MALRD1: variants seen among roughly 807,000 people sequenced by gnomAD.
MALRD1 encodes the protein MAM and LDL receptor class A domain containing 1.
Under a neutral mutation model 242.1 loss-of-function variants are expected in MALRD1, and 247 were observed. That is an observed-to-expected ratio of 1.02 (90% CI 0.92 to 1.13). The LOEUF (loss-of-function observed/expected upper bound fraction) is 1.13. Among genes scored for constraint, MALRD1 ranks in the 50% most tolerant of loss-of-function variants. The pLI is 0.00. For missense variants in MALRD1, 2,989 were observed against 2,533.1 expected (o/e 1.18, Z -3.86); for synonymous variants, 995 against 866.6 (o/e 1.15, Z -2.60).
At position 19,524,138 on chromosome 10, in the gene MALRD1, A is replaced by G. The variant is rs773507973; in HGVS notation, c.5321-7056A>G. Among the ~76,000 whole-genome samples the G allele has an allele frequency of 2.6e-5, 4 of 152,268 alleles. No individual in the cohort carries two copies. The South Asian group carries it at 6.2e-4, about 24-fold the overall frequency. ...TTTCCATTCTGACAACTTTGAGGAA[A>G]CTTTTTCTCTCGCTGGCCATATTTA... On this transcript the variant is annotated intron_variant, in intron 31 of 39. Transcript: ENST00000454679.
At chr10:19,336,094 A>G (rs1342816666) in intron 24 of MALRD1, among the ~76,000 whole-genome samples, 1 of 152,204 alleles carries the variant, frequency 6.6e-6, no homozygotes, top group Non-Finnish European at 1.5e-5. Context: ...AATTATCTGT[A>G]TATCAGTGTA....
chr10:19,386,131 C>G (rs1275894143), intron 26 of MALRD1, among the ~76,000 whole-genome samples: 1 of 152,118 alleles, frequency 6.6e-6, no homozygotes, highest in Non-Finnish European at 1.5e-5. Flanking sequence ...TTCCATTCAT[C>G]TTCATCTTCT....
intron 26 of MALRD1, among the ~76,000 whole-genome samples, chr10:19,357,869 G>A: frequency 6.6e-6 from 1 of 152,034 alleles, no homozygotes; most frequent in East Asian, 1.9e-4. Context: ...GGGGAAAAAT[G>A]TATATATTTA....
intron 18 of MALRD1, among the ~76,000 whole-genome samples, chr10:19,231,869 A>T (rs1052265042): frequency 5.3e-5 from 8 of 152,090 alleles, no homozygotes; most frequent in Non-Finnish European, 2.9e-5. Flanking sequence ...TATTTCTACT[A>T]AAACTTGACT....
chr10:19,148,788 A>AAAAAAAT (rs1206724666), intron 11 of MALRD1, among the ~76,000 whole-genome samples: 1 of 88,040 alleles, frequency 1.1e-5, no homozygotes, highest in Non-Finnish European at 2.5e-5. Flanking sequence ...AAAAAAAAAA[A>AAAAAAAT]ATATATATAT....
intron 26 of MALRD1, among the ~76,000 whole-genome samples, chr10:19,363,371 C>T (rs577228880): frequency 1.6e-4 from 24 of 152,002 alleles, no homozygotes; most frequent in African/African-American, 1.9e-4. Flanking sequence ...GAAAGGAAGA[C>T]GATCAGGTGA....
At chr10:19,373,273 C>T (rs1216163206) in intron 26 of MALRD1, among the ~76,000 whole-genome samples, 10 of 144,290 alleles carry the variant, frequency 6.9e-5, no homozygotes, top group Admixed American at 1.4e-4. Flanking sequence ...TTTGGGAGGG[C>T]GGACGGATCA....
intron 11 of MALRD1, among the ~76,000 whole-genome samples, chr10:19,151,906 G>A (rs772886159): frequency 6.6e-6 from 1 of 151,920 alleles, no homozygotes; most frequent in African/African-American, 2.4e-5. Flanking sequence ...ATTCTATATG[G>A]TAATGCTTGT....
intron 19 of MALRD1, among the ~76,000 whole-genome samples, chr10:19,264,891 G>C (rs533236433): frequency 1.3e-5 from 2 of 152,036 alleles, no homozygotes; most frequent in Non-Finnish European, 2.9e-5. Context: ...ACTTTTCTTT[G>C]GTGGGAGATT....
intron 21 of MALRD1, among the ~76,000 whole-genome samples, chr10:19,284,578 A>G (rs1372498100): frequency 6.6e-6 from 1 of 151,426 alleles, no homozygotes; most frequent in South Asian, 2.1e-4. Flanking sequence ...AAAGGACATG[A>G]ACTCATCATT....
intron 36 of MALRD1, among the ~76,000 whole-genome samples, chr10:19,648,757 A>C (rs1045225930): frequency 6.6e-6 from 1 of 152,310 alleles, no homozygotes; most frequent in East Asian, 1.9e-4. Context: ...TTTTAAACTT[A>C]TAGTTTTGGG....
At chr10:19,312,227 A>G (rs998264764) in intron 21 of MALRD1, among the ~76,000 whole-genome samples, 1 of 151,358 alleles carries the variant, frequency 6.6e-6, no homozygotes, top group Non-Finnish European at 1.5e-5. Context: ...GTTAAGAACT[A>G]GAACAAACTT....
intron 26 of MALRD1, among the ~76,000 whole-genome samples, chr10:19,369,773 A>C (rs1845292463): frequency 2.0e-5 from 3 of 151,630 alleles, no homozygotes; most frequent in Admixed American, 2.0e-4. Flanking sequence ...TTGTCTGATT[A>C]ACATTGAGTT....
chr10:19,415,235 A>T (rs1266371128), intron 28 of MALRD1, among the ~76,000 whole-genome samples: 1 of 152,172 alleles, frequency 6.6e-6, no homozygotes, highest in African/African-American at 2.4e-5. Context: ...ATACTAATAA[A>T]ACACATCCAT....
intron 36 of MALRD1, among the ~76,000 whole-genome samples, chr10:19,673,880 T>A (rs1589385420): frequency 6.6e-6 from 1 of 151,726 alleles, no homozygotes; most frequent in South Asian, 2.1e-4. Flanking sequence ...TACTTACAAA[T>A]ATATTTTAAA....
intron 31 of MALRD1, among the ~76,000 whole-genome samples, chr10:19,526,511 C>T (rs900148483): frequency 1.5e-4 from 23 of 151,844 alleles, no homozygotes; most frequent in African/African-American, 5.6e-4. Flanking sequence ...TTTTTGCTTT[C>T]TTAAATTTTA....
At chr10:19,591,245 G>C (rs527462338) in intron 33 of MALRD1, among the ~76,000 whole-genome samples, 2 of 152,258 alleles carry the variant, frequency 1.3e-5, no homozygotes, top group South Asian at 4.1e-4. Flanking sequence ...AGAGAACAAT[G>C]AATGTTGTTC....
chr10:19,059,057 A>G (rs1834746840), intron 1 of MALRD1, among the ~76,000 whole-genome samples: 1 of 152,148 alleles, frequency 6.6e-6, no homozygotes, highest in Non-Finnish European at 1.5e-5. Flanking sequence ...TTACAATACC[A>G]TTTCATATGG....
At chr10:19,353,738 T>C (rs1844498994) in intron 26 of MALRD1, among the ~76,000 whole-genome samples, 1 of 152,212 alleles carries the variant, frequency 6.6e-6, no homozygotes, top group African/African-American at 2.4e-5. Context: ...TGCCTTTCAT[T>C]CTGTGTGGGA....
Sources: gnomAD v4.1 joint callset for allele counts (sites outside exome capture counted in the v4.1 genomes callset) on GRCh38, gnomAD v4.1.1 for gene constraint, MANE v1.5 for transcripts, NCBI Gene and HGNC (gene_info 2026-07-23, HGNC 2026-07-21) for gene names.